ZNF850: variants seen among roughly 807,000 people sequenced by gnomAD.
ZNF850 encodes the protein putative zinc finger protein ENSP00000330994.
ZNF850 carries 2 observed loss-of-function variants against 11.9 expected under a neutral mutation model. The observed-to-expected ratio is 0.17, with a 90% CI of 0.07 to 0.53. ZNF850 has a LOEUF of 0.53. ZNF850 is among the 20% of genes least tolerant of loss of function. The pLI is 0.94. For missense variants in ZNF850, 1,014 were observed against 1,316.4 expected, an observed-to-expected ratio of 0.77 and a Z score of 3.55; for synonymous variants, 381 against 443.0, an observed-to-expected ratio of 0.86 and a Z score of 1.76.
chr19:36,761,368 G>A (rs571544556), intron 4 of ZNF850, among the ~76,000 whole-genome samples: 3 of 151,836 alleles, frequency 2.0e-5, no homozygotes, highest in African/African-American at 7.2e-5. Flanking sequence ...TCAACCTGGG[G>A]ACGGAGGTTG....
intron 1 of ZNF850, among the ~76,000 whole-genome samples, chr19:36,768,080 G>C (rs959202013): frequency 6.6e-6 from 1 of 151,996 alleles, no homozygotes. Flanking sequence ...GGGAAATATA[G>C]GGAGACCCCC....
intron 1 of ZNF850, among the ~76,000 whole-genome samples, chr19:36,769,961 G>A (rs554994787): frequency 1.3e-5 from 2 of 152,172 alleles, no homozygotes; most frequent in Non-Finnish European, 2.9e-5. Context: ...CTGACTGACG[G>A]GTTCAATTTG....
rs2040420873 is a variant in ZNF850 at position 36,747,710 on chromosome 19, A to T, written c.*57T>A. 1 of 1,413,292 alleles carries T rather than the reference A, an allele frequency of 7.1e-7. No individual in the cohort carries two copies. Among genetic ancestry groups the T allele is most frequent in the African/African-American group, 1.4e-5 (1 of 69,284 alleles). 87.5% of individuals were successfully genotyped at this position (1,413,292 alleles called of 1,614,324 possible). A position where few individuals can be genotyped will look rare whatever the true frequency, so the allele number is the denominator to read the frequency against. ...TACACATCCATTGTATTTGACCCAC[A>T]TATGGAATCTGCTGATGATCCATGA... On this transcript the variant is annotated 3_prime_UTR_variant, in exon 5 of 5. Transcript: ENST00000591344.
rs58851544 is a variant in ZNF850, at chr19:36,753,422, C to CAAAAAAAAAAAAAAAAAAAAA, written c.236-2639_236-2619dup. ...TGGGCAACAGCCTGGGACACTGTCT[C>CAAAAAAAAAAAAAAAAAAAAA]AAAAAAAAAAAAAAAAAAAAAAAAG... On this transcript the variant is annotated intron_variant, in intron 4 of 4. Transcript: ENST00000591344. Among the ~76,000 whole-genome samples, 5 of 46,650 alleles carry CAAAAAAAAAAAAAAAAAAAAA rather than the reference C, an allele frequency of 1.1e-4. 2 individuals carry two copies. Among genetic ancestry groups the CAAAAAAAAAAAAAAAAAAAAA allele is most frequent in the African/African-American group, 1.4e-4 (2 of 14,202 alleles). The allele number at this position is 46,650 out of a possible 152,430, so 30.6% of individuals were successfully genotyped here.
chr19:36,769,479 G>A (rs1457355283), intron 1 of ZNF850, among the ~76,000 whole-genome samples: 2 of 150,902 alleles, frequency 1.3e-5, no homozygotes, highest in African/African-American at 2.4e-5. Context: ...TGTGCCTCTG[G>A]TTTCAGCTTA....
In ZNF850 at chr19:36,747,931, A is replaced by G. The variant is rs770722960; in HGVS notation, c.3109T>C (p.Tyr1037His). 2 of 1,569,270 alleles carry G rather than the reference A, an allele frequency of 1.3e-6. No individual in the cohort carries two copies. The highest frequency in any genetic ancestry group is 1.2e-5 in the South Asian group (1 of 86,574). The change falls in exon 5 of 5, where the codon TAT becomes CAT. Residue 1037 changes from tyrosine (Y) to histidine (H), a missense_variant. By Grantham distance (83) the Tyr-to-His change is moderately conservative. Coordinates refer to ENST00000591344, the MANE Select transcript of ZNF850 (RefSeq NM_001193552.2). ...HKRIHTGEKT[Y>H]QCPECGKAFF... ...GCTTTCCCACATTCCGGACATTGATAAGTTTTCTCACCAGTATGGATTCGT... is the reference window on the plus strand; with the variant it reads ...GCTTTCCCACATTCCGGACATTGATGAGTTTTCTCACCAGTATGGATTCGT...
chr19:36,770,528 G>A (rs999009014), intron 1 of ZNF850, among the ~76,000 whole-genome samples: 4 of 151,682 alleles, frequency 2.6e-5, no homozygotes, highest in Non-Finnish European at 4.4e-5. Flanking sequence ...GTGAAACCCC[G>A]TCTCTACTAA....
chr19:36,752,360 C>T (rs1568734857), intron 4 of ZNF850, among the ~76,000 whole-genome samples: 1 of 152,166 alleles, frequency 6.6e-6, no homozygotes, highest in Non-Finnish European at 1.5e-5. Context: ...TTATTCAAGA[C>T]TCCTAGGGTC....
chr19:36,757,741 C>A (rs1448702980), intron 4 of ZNF850, among the ~76,000 whole-genome samples: 1 of 151,920 alleles, frequency 6.6e-6, no homozygotes, highest in African/African-American at 2.4e-5. Flanking sequence ...ACCATGTTGA[C>A]CAGACCACTC....
chr19:36,755,148 T>TA (rs1410372572), intron 4 of ZNF850, among the ~76,000 whole-genome samples: 2 of 152,144 alleles, frequency 1.3e-5, no homozygotes, highest in East Asian at 1.9e-4. Flanking sequence ...AATTCAGGAA[T>TA]AAAAAATGGG....
chr19:36,753,231 T>C (rs1490726382), intron 4 of ZNF850, among the ~76,000 whole-genome samples: 4 of 139,578 alleles, frequency 2.9e-5, no homozygotes, highest in Non-Finnish European at 6.0e-5. Flanking sequence ...ATTGTGCCAC[T>C]GCATTCCAGC....
chr19:36,750,090 G>C lies in ZNF850; in HGVS notation c.950C>G (p.Ser317Cys). 1 of 1,538,858 alleles carries C rather than the reference G, an allele frequency of 6.5e-7. No individual in the cohort carries two copies. The highest frequency in any genetic ancestry group is 2.4e-5 in the East Asian group (1 of 40,924). The change falls in exon 5 of 5, where the codon TCT (serine) becomes TGT (cysteine). Residue 317 changes from serine to cysteine, a missense_variant. Coordinates refer to ENST00000591344, the MANE Select transcript of ZNF850 (RefSeq NM_001193552.2). ...KPYHCKQCGK[S>C]FTVGSTLIRH... ...AATTAGTGTTGAGCCAACAGTAAAA[G>C]ATTTTCCACATTGCTTACAATGATA...
At position 36,748,572 on chromosome 19, in the gene ZNF850, G is replaced by C. The variant is rs1442415402; in HGVS notation, c.2468C>G (p.Thr823Ser). The change falls in exon 5 of 5, where the codon ACT becomes AGT. Residue 823 changes from threonine (T) to serine (S), a missense_variant. Thr to Ser is a moderately conservative substitution (Grantham distance 58, BLOSUM62 1). Around this residue, in one of 2 missense-constraint regions of ZNF850, gnomAD observed 835 missense variants for 1,022.0 expected, o/e 0.82. Transcript: ENST00000591344. ...ATGTTGAATTAGTGCTGAGCGAAGA[G>C]TAAAAGATTTCCCACATTCCTTGCA... ...YHCKECGKSF[T>S]LRSALIQHRP... 4.6e-6 allele frequency: 7 copies of C among 1,536,900 alleles called. No individual in the cohort carries two copies. The highest frequency in any genetic ancestry group is 2.7e-5 in the African/African-American group (2 of 73,002).
At chr19:36,763,439 G>C (rs770082576) in intron 1 of ZNF850, among the ~76,000 whole-genome samples, 2 of 151,856 alleles carry the variant, frequency 1.3e-5, no homozygotes, top group African/African-American at 4.8e-5. Flanking sequence ...AGCTACTTGG[G>C]AGGCTGAGGC....
chr19:36,770,440 G>A lies in ZNF850; in HGVS notation c.-70+2285C>T, dbSNP rs180720268. Reference sequence around the variant, plus strand: ...AAGGCTGGGTGCAGTGGCTCACGCCGGTAATCCCAACACTTTGGGAGGCCG... The same window carrying A: ...AAGGCTGGGTGCAGTGGCTCACGCCAGTAATCCCAACACTTTGGGAGGCCG... On this transcript the variant is annotated intron_variant, in intron 1 of 4. Coordinates refer to ENST00000591344, the MANE Select transcript of ZNF850 (RefSeq NM_001193552.2). Among the ~76,000 whole-genome samples, 1,105 of 152,044 alleles carry A rather than the reference G, an allele frequency of 7.3e-3. 36 individuals carry two copies. Among genetic ancestry groups the A allele is most frequent in the Admixed American group, 0.059 (902 of 15,258 alleles).
chr19:36,757,354 A>C (rs2040492424), intron 4 of ZNF850, among the ~76,000 whole-genome samples: 1 of 152,138 alleles, frequency 6.6e-6, no homozygotes, highest in Non-Finnish European at 1.5e-5. Context: ...ATAGTAATAC[A>C]TTTATGTTAT....
At position 36,761,629 on chromosome 19, in the gene ZNF850, C is replaced by G; in HGVS notation, c.235+14G>C. On this transcript the variant is annotated intron_variant, in intron 4 of 4. Coordinates refer to ENST00000591344, the MANE Select transcript of ZNF850 (RefSeq NM_001193552.2). ...AACAGCAGTGTCTTCCCCATGTGCT[C>G]AGTCCTTACTCACCTCGGCACCATC... The G allele has an allele frequency of 6.7e-7, 1 of 1,487,702 alleles. No homozygotes were observed. The highest frequency in any genetic ancestry group is 9.1e-7 in the Non-Finnish European group (1 of 1,101,390). 92.2% of individuals were successfully genotyped at this position (1,487,702 alleles called of 1,614,324 possible). A position where few individuals can be genotyped will look rare whatever the true frequency, so the allele number is the denominator to read the frequency against.
At chr19:36,761,190 A>G (rs983602602) in intron 4 of ZNF850, among the ~76,000 whole-genome samples, 2 of 151,856 alleles carry the variant, frequency 1.3e-5, no homozygotes, top group African/African-American at 4.8e-5. Context: ...CTGTAATCCC[A>G]GCACTTTCAG....
chr19:36,769,368 G>A (rs954696576), intron 1 of ZNF850, among the ~76,000 whole-genome samples: 2 of 151,924 alleles, frequency 1.3e-5, no homozygotes, highest in South Asian at 2.1e-4. Context: ...TGGAGGCAGA[G>A]GTAGGAGGAT....
Sources: gnomAD v4.1 joint callset for allele counts (sites outside exome capture counted in the v4.1 genomes callset) on GRCh38, gnomAD v4.1.1 for gene constraint, gnomAD v4.1.1 regional missense constraint, MANE v1.5 for transcripts, NCBI Gene and HGNC (gene_info 2026-07-23, HGNC 2026-07-21) for gene names.